Variants in SLCO1A2 observed in about 807,000 individuals in gnomAD.
The protein encoded by SLCO1A2 is OATP-1.
In SLCO1A2, 67 loss-of-function variants were observed where a neutral mutation model predicts 69.0. That is an observed-to-expected ratio of 0.97 (90% CI 0.80 to 1.19). The LOEUF (loss-of-function observed/expected upper bound fraction) is 1.19. Among genes scored for constraint, SLCO1A2 ranks in the 50% most tolerant of loss-of-function variants. SLCO1A2 has a pLI of 0.00. For synonymous variants in SLCO1A2, 260 were observed against 265.9 expected (o/e 0.98, Z 0.22); for missense variants, 787 against 793.7 (o/e 0.99, Z 0.10).
chr12:21,269,442 T>C lies in SLCO1A2; in HGVS notation c.*106A>G, dbSNP rs1942400250. On this transcript the variant is annotated 3_prime_UTR_variant, in exon 15 of 15. Transcript: ENST00000683939. The stretch of plus-strand genomic sequence containing the variant: ...TTTTGAGTTAAGAGGTTTTTTAGGT[T>C]CTTAAAGACAAGAAAAAGTTATCTA... 3 of 738,528 alleles carry C rather than the reference T, an allele frequency of 4.1e-6. No homozygotes were observed. The highest frequency in any genetic ancestry group is 3.0e-5 in the Admixed American group (1 of 33,652). 45.7% of individuals were successfully genotyped at this position (738,528 alleles called of 1,614,324 possible). A position where few individuals can be genotyped will look rare whatever the true frequency, so the allele number is the denominator to read the frequency against.
intron 12 of SLCO1A2, among the ~76,000 whole-genome samples, chr12:21,289,004 T>A (rs1946404229): frequency 6.6e-6 from 1 of 151,880 alleles, no homozygotes; most frequent in African/African-American, 2.4e-5. Context: ...ATCACATTGA[T>A]AATCACAATT....
intron 1 of SLCO1A2, among the ~76,000 whole-genome samples, chr12:21,408,628 T>C (rs773744227): frequency 2.0e-5 from 3 of 152,102 alleles, no homozygotes; most frequent in Non-Finnish European, 4.4e-5. Context: ...AAGATACTAG[T>C]CCTGTAAGCT....
chr12:21,297,450 T>C lies in SLCO1A2; in HGVS notation c.1029A>G (p.Leu343=). The C allele has an allele frequency of 6.2e-7, 1 of 1,612,990 alleles. No individual in the cohort carries two copies. Among genetic ancestry groups the C allele is most frequent in the Non-Finnish European group, 8.5e-7 (1 of 1,179,216 alleles). Residue 343 remains leucine, a synonymous_variant, in exon 9 of 15, where the codon CTA becomes CTG. Transcript: ENST00000683939. ...VNMISFMPKY[L]EQQYGISSSD... is the part of the protein sequence containing the mutation. ...AAGATGATATTCCATATTGCTGTTC[T>C]AGGTATTTAGGCATGAAGGAGATCA...
chr12:21,359,186 C>T (rs772167475), intron 2 of SLCO1A2, among the ~76,000 whole-genome samples: 3 of 152,228 alleles, frequency 2.0e-5, no homozygotes, highest in Admixed American at 6.5e-5. Context: ...AGACCATCCC[C>T]GCATACTTCC....
At chr12:21,368,152 C>T (rs1234241809) in intron 2 of SLCO1A2, among the ~76,000 whole-genome samples, 1 of 152,112 alleles carries the variant, frequency 6.6e-6, no homozygotes, top group Non-Finnish European at 1.5e-5. Flanking sequence ...TTATGTACCC[C>T]TTGATATAAT....
chr12:21,338,670 CT>C (rs1952967648), upstream of SLCO1A2, among the ~76,000 whole-genome samples: 1 of 151,922 alleles, frequency 6.6e-6, no homozygotes, highest in South Asian at 2.1e-4. Context: ...TATGTCATTT[CT>C]TCAGATTATT....
Position 21,280,371 on chromosome 12 carries a change from T to A in SLCO1A2, c.1611-4947A>T, listed in dbSNP as rs12303558. Among the ~76,000 whole-genome samples, 800 of 151,324 alleles carry A rather than the reference T, an allele frequency of 5.3e-3. 5 individuals carry two copies. Among genetic ancestry groups the A allele is most frequent in the African/African-American group, 0.017 (691 of 41,282 alleles). Reference sequence around the variant, plus strand: ...CACTCATAAAGACAGACACAGAAAATAAAGGGATGAAAAAGATATTCCATG... The same window carrying A: ...CACTCATAAAGACAGACACAGAAAAAAAAGGGATGAAAAAGATATTCCATG... On this transcript the variant is annotated intron_variant, in intron 12 of 14. Transcript: ENST00000683939.
intron 2 of SLCO1A2, among the ~76,000 whole-genome samples, chr12:21,350,241 T>C (rs927420792): frequency 6.6e-6 from 1 of 151,966 alleles, no homozygotes; most frequent in Non-Finnish European, 1.5e-5. Flanking sequence ...CTATAAAGTC[T>C]TAAGTTATTC....
rs1307443429 is a variant in SLCO1A2, at chr12:21,306,947, G to A, written c.377C>T (p.Ser126Phe). ...TTCCATACACAAGAAACTGTTTGAG[G>A]ACAAGTTGCCTGAAACTGAAACTGT... ...ESTVSVSGNL[S>F]SNSFLCMENG... is the part of the protein sequence containing the mutation. The change falls in exon 5 of 15, where the codon TCC becomes TTC. Residue 126 changes from serine to phenylalanine, a missense_variant. Transcript: ENST00000683939. 2 of 1,613,630 alleles carry A rather than the reference G, an allele frequency of 1.2e-6. No homozygotes were observed. Among genetic ancestry groups the A allele is most frequent in the African/African-American group, 2.7e-5 (2 of 74,898 alleles).
chr12:21,272,447 G>T (rs2062130969), intron 14 of SLCO1A2, among the ~76,000 whole-genome samples: 2 of 151,098 alleles, frequency 1.3e-5, no homozygotes, highest in Admixed American at 6.6e-5. Flanking sequence ...GTATATTTGA[G>T]GTTATGTTGA....
intron 9 of SLCO1A2, 88 bp downstream of exon 9, chr12:21,297,316 C>G (rs4148999): frequency 0.2 from 169,278 of 830,876 alleles, 21,089 homozygotes; most frequent in African/African-American, 0.52. Flanking sequence ...TATCCTAAAA[C>G]ACTTCAACTT....
chr12:21,351,546 C>T (rs1474652743), intron 2 of SLCO1A2, among the ~76,000 whole-genome samples: 3 of 151,956 alleles, frequency 2.0e-5, no homozygotes, highest in African/African-American at 7.2e-5. Context: ...GAGGCCAAGG[C>T]GGGTGGATCA....
intron 14 of SLCO1A2, 78 bp from the exon 15 acceptor site, chr12:21,269,845 T>C: frequency 8.9e-7 from 1 of 1,121,938 alleles, no homozygotes; most frequent in Non-Finnish European, 1.2e-6. Flanking sequence ...ATCTTTGTAT[T>C]TTATTCTGAT....
chr12:21,304,678 C>A (rs952764770), intron 5 of SLCO1A2, 105 bp from the exon 6 acceptor site: 2 of 1,058,710 alleles, frequency 1.9e-6, no homozygotes, highest in Admixed American at 4.7e-5. Context: ...TGACCATGGC[C>A]CCTTGTCAAT....
intron 1 of SLCO1A2, among the ~76,000 whole-genome samples, chr12:21,388,208 GA>G (rs35618589): frequency 0.1 from 15,815 of 152,058 alleles, 1,073 homozygotes; most frequent in East Asian, 0.38. Flanking sequence ...AGTTAATGCT[GA>G]AATGAGTTAA....
intron 6 of SLCO1A2, among the ~76,000 whole-genome samples, chr12:21,301,514 C>G (rs1486426799): frequency 6.6e-6 from 1 of 150,384 alleles, no homozygotes; most frequent in African/African-American, 2.5e-5. Flanking sequence ...TGCTGGGTCA[C>G]AGGTAGAGAT....
chr12:21,269,505 C>T lies in SLCO1A2; in HGVS notation c.*43G>A, dbSNP rs769989194. The T allele has an allele frequency of 1.7e-5, 24 of 1,423,028 alleles. No homozygotes were observed. In the Admixed American group the frequency reaches 2.6e-4, roughly 16 times the overall value. 88.2% of individuals were successfully genotyped at this position (1,423,028 alleles called of 1,614,324 possible). A position where few individuals can be genotyped will look rare whatever the true frequency, so the allele number is the denominator to read the frequency against. ...TGATTTTTAAAACAATTAAGTTGTA[C>T]AGCATGTTCTCTAATTCTGAAAAAA... is the stretch of plus-strand genomic sequence containing the variant. On this transcript the variant is annotated 3_prime_UTR_variant, in exon 15 of 15. Coordinates refer to ENST00000683939, the MANE Select transcript of SLCO1A2 (RefSeq NM_001386879.1).
At chr12:21,310,825 G>T (rs549255053) in intron 4 of SLCO1A2, among the ~76,000 whole-genome samples, 8 of 152,222 alleles carry the variant, frequency 5.3e-5, no homozygotes, top group Admixed American at 2.0e-4. Context: ...GGATGGTCTT[G>T]ATCTCCTGAC....
intron 1 of SLCO1A2, among the ~76,000 whole-genome samples, chr12:21,382,229 T>C (rs913325576): frequency 6.6e-6 from 1 of 151,886 alleles, no homozygotes; most frequent in Non-Finnish European, 1.5e-5. Flanking sequence ...ACAACAAGAG[T>C]GGAAAACCAA....
Sources: gnomAD v4.1 joint callset for allele counts (sites outside exome capture counted in the v4.1 genomes callset) on GRCh38, gnomAD v4.1.1 for gene constraint, MANE v1.5 for transcripts, NCBI Gene and HGNC (gene_info 2026-07-23, HGNC 2026-07-21) for gene names.